ATP2A3: variants seen among roughly 807,000 people sequenced by gnomAD.
The protein encoded by ATP2A3 is sarcoplasmic/endoplasmic reticulum calcium ATPase 3.
Under a neutral mutation model 106.8 loss-of-function variants are expected in ATP2A3, and 61 were observed. The ratio of observed to expected loss-of-function variants is 0.57; its 90% CI spans 0.46 to 0.71. The LOEUF (loss-of-function observed/expected upper bound fraction) is 0.71. ATP2A3 is among the 30% of genes least tolerant of loss of function. ATP2A3 has a pLI of 0.00. For synonymous variants in ATP2A3, 611 were observed against 609.3 expected, an observed-to-expected ratio of 1.00 and a Z score of -0.04; for missense variants, 1,201 against 1,423.5, an observed-to-expected ratio of 0.84 and a Z score of 2.52.
rs541910734 is a variant in ATP2A3 at position 3,933,533 on chromosome 17, C to T, written c.2610+1659G>A. ...CGGGCGGATCATGAGGTCAGGAGATCGAGACCATCCTGGCCAACATGGTGA... is the reference window on the plus strand; with the variant it reads ...CGGGCGGATCATGAGGTCAGGAGATTGAGACCATCCTGGCCAACATGGTGA... On this transcript the variant is annotated intron_variant, in intron 17 of 20. Transcript: ENST00000397041. Among the ~76,000 whole-genome samples, 65 of 151,220 alleles carry T rather than the reference C, an allele frequency of 4.3e-4. No homozygotes were observed. In the East Asian group the frequency reaches 0.011, roughly 25 times the overall value.
At position 3,944,932 on chromosome 17, in the gene ATP2A3, G is replaced by T. The variant is rs2054017614; in HGVS notation, c.1185-126C>A. The stretch of plus-strand genomic sequence containing the variant: ...CGCCCCCAGAAGGGCTCCGCCTCCT[G>T]GCCCCGCCCCGGGAGAGGCTCCGCC... On this transcript the variant is annotated intron_variant, in intron 9 of 20. Transcript: ENST00000397041. 4.0e-5 allele frequency: 53 copies of T among 1,326,356 alleles called. No homozygotes were observed. In the South Asian group the frequency reaches 7.5e-4, roughly 19 times the overall value. 82.2% of individuals were successfully genotyped at this position (1,326,356 alleles called of 1,614,324 possible). A position where few individuals can be genotyped will look rare whatever the true frequency, so the allele number is the denominator to read the frequency against.
intron 8 of ATP2A3, among the ~76,000 whole-genome samples, chr17:3,946,054 C>A (rs976453086): frequency 1.3e-5 from 2 of 151,730 alleles, no homozygotes; most frequent in Non-Finnish European, 2.9e-5. Context: ...TTGAGACCAT[C>A]CTGGCTAACA....
Position 3,928,198 on chromosome 17 carries a change from C to G in ATP2A3, c.2980+465G>C, listed in dbSNP as rs73328990. The stretch of plus-strand genomic sequence containing the variant: ...CAGAGCTGTGAGCTCAGAAACAACC[C>G]TCCCCTTGACCCACCCACAAGGTGA... On this transcript the variant is annotated intron_variant, in intron 20 of 20. Coordinates refer to ENST00000397041, the MANE Select transcript of ATP2A3 (RefSeq NM_005173.4). The surrounding 1 kb of genome is among the most constrained non-coding windows in gnomAD (Gnocchi z 6.1). 3 of 1,611,138 alleles carry G rather than the reference C, an allele frequency of 1.9e-6. No individual in the cohort carries two copies.
chr17:3,948,000 A>G lies in ATP2A3; in HGVS notation c.631-145T>C. On this transcript the variant is annotated intron_variant, in intron 7 of 20. Coordinates refer to ENST00000397041, the MANE Select transcript of ATP2A3 (RefSeq NM_005173.4). The surrounding 1 kb of genome is among the most constrained non-coding windows in gnomAD (Gnocchi z 7.7). The stretch of plus-strand genomic sequence containing the variant: ...GTTGCTAGTGCTTCCAGACTCCTGT[A>G]GCTATGTATGCACGGGGTCCCTGCT... 1.3e-6 allele frequency: 1 copy of G among 781,938 alleles called. No individual in the cohort carries two copies. Among genetic ancestry groups the G allele is most frequent in the South Asian group, 1.7e-5 (1 of 59,442 alleles). 48.4% of individuals were successfully genotyped at this position (781,938 alleles called of 1,614,324 possible).
At position 3,947,735 on chromosome 17, in the gene ATP2A3, G is replaced by C; in HGVS notation, c.751C>G (p.Arg251Gly). 6.2e-7 allele frequency: 1 copy of C among 1,608,996 alleles called. No individual in the cohort carries two copies. The highest frequency in any genetic ancestry group is 8.5e-7 in the Non-Finnish European group (1 of 1,179,834). ...TGCCGTCCAAACTCGTCCAGCTTGC[G>C]CTGCAGCGGCGTCCGCTCGGGCTCG... ...AVEPERTPLQRKLDEFGRQLS... is the reference protein window; with the variant it reads ...AVEPERTPLQGKLDEFGRQLS... Residue 251 changes from arginine to glycine, a missense_variant, in exon 8 of 21, where the codon CGC (arginine) becomes GGC (glycine). Coordinates refer to ENST00000397041, the MANE Select transcript of ATP2A3 (RefSeq NM_005173.4). The surrounding 1 kb of genome is among the most constrained non-coding windows in gnomAD (Gnocchi z 7.7).
Position 3,941,026 on chromosome 17 carries a change from G to A in ATP2A3, c.2045C>T (p.Ala682Val), listed in dbSNP as rs753835292. Residue 682 changes from alanine to valine, a missense_variant, in exon 14 of 21, where the codon GCA becomes GTA. Transcript: ENST00000397041. Reference protein sequence around the residue: ...TARCFARVEPAHKSRIVENLQ... With the variant: ...TARCFARVEPVHKSRIVENLQ... The stretch of plus-strand genomic sequence containing the variant: ...GTTCTCCACGATGCGGGACTTGTGT[G>A]CGGGCTCCACGCGGGCGAAGCAGCG... 9.3e-6 allele frequency: 15 copies of A among 1,613,832 alleles called. No individual in the cohort carries two copies. In the African/African-American group the frequency reaches 2.0e-4, roughly 22 times the overall value.
intron 1 of ATP2A3, among the ~76,000 whole-genome samples, chr17:3,958,065 C>CT (rs1440582081): frequency 6.6e-6 from 1 of 152,228 alleles, no homozygotes; most frequent in African/African-American, 2.4e-5. Flanking sequence ...ATCAGAGAAG[C>CT]TTCGTGGCTT....
intron 1 of ATP2A3, among the ~76,000 whole-genome samples, chr17:3,959,045 C>T (rs967635333): frequency 4.6e-5 from 7 of 151,654 alleles, no homozygotes; most frequent in Non-Finnish European, 7.4e-5. Flanking sequence ...GCGCCTGCCA[C>T]CATGCCTGGC....
chr17:3,945,179 C>T lies in ATP2A3; in HGVS notation c.1096-31G>A, dbSNP rs1472841512. On this transcript the variant is annotated intron_variant, in intron 8 of 20. Transcript: ENST00000397041. ...GAGCGCAGGGGCGTGCTTAGGCGGG[C>T]GGGGTCGCCTCCCTCCTCCCCGGGC... 4.6e-6 allele frequency: 7 copies of T among 1,535,978 alleles called. No homozygotes were observed. The Admixed American group carries it at 5.9e-5, about 13-fold the overall frequency.
In ATP2A3 at chr17:3,924,358, G is replaced by C. The variant is rs1454462204; in HGVS notation, c.*1064C>G. 6.0e-6 allele frequency: 1 copy of C among 166,126 alleles called. No homozygotes were observed. The highest frequency in any genetic ancestry group is 1.3e-5 in the Non-Finnish European group (1 of 76,368). 10.3% of individuals were successfully genotyped at this position (166,126 alleles called of 1,614,324 possible). The stretch of plus-strand genomic sequence containing the variant: ...ATATGACGTGTTCCTCCAGCAGGGA[G>C]GGAGGGAGAGCGGGTGCCCTTGGGG... On this transcript the variant is annotated 3_prime_UTR_variant, in exon 21 of 21. Coordinates refer to ENST00000397041, the MANE Select transcript of ATP2A3 (RefSeq NM_005173.4). The surrounding 1 kb of genome is among the most constrained non-coding windows in gnomAD (Gnocchi z 6.4).
chr17:3,930,575 A>T lies in ATP2A3; in HGVS notation c.2611-141T>A. On this transcript the variant is annotated intron_variant, in intron 17 of 20. Transcript: ENST00000397041. The surrounding 1 kb of genome is among the most constrained non-coding windows in gnomAD (Gnocchi z 5.4). The stretch of plus-strand genomic sequence containing the variant: ...AACACTGCCGTGGGGTGGGCTGGGG[A>T]TCCCGGGAGGGGTGCGGGGTCGGGG... The T allele has an allele frequency of 1.7e-6, 2 of 1,144,604 alleles. No homozygotes were observed. The highest frequency in any genetic ancestry group is 2.5e-6 in the Non-Finnish European group (2 of 812,218). The allele number at this position is 1,144,604 out of a possible 1,614,324, so 70.9% of individuals were successfully genotyped here.
At chr17:3,941,984 G>A (rs917055295) in intron 12 of ATP2A3, among the ~76,000 whole-genome samples, 1 of 152,188 alleles carries the variant, frequency 6.6e-6, no homozygotes, top group African/African-American at 2.4e-5. Context: ...TGCAGGCCCT[G>A]CTTCCCTGGT....
chr17:3,964,199 G>A lies in ATP2A3; in HGVS notation c.93C>T (p.Gly31=). The change falls in exon 1 of 21, where the codon GGC becomes GGT. Residue 31 remains glycine (G), a synonymous_variant. Transcript: ENST00000397041. ...EGGLSPAQVT[G]ARERYGPNEL... The stretch of plus-strand genomic sequence containing the variant: ...CGTTGGGGCCGTAGCGCTCCCGCGC[G>A]CCGGTCACCTGCGCCGGGCTCAGGC... 2 of 1,247,056 alleles carry A rather than the reference G, an allele frequency of 1.6e-6. No individual in the cohort carries two copies. Among genetic ancestry groups the A allele is most frequent in the Middle Eastern group, 3.2e-4 (1 of 3,108 alleles). The allele number at this position is 1,247,056 out of a possible 1,614,324, so 77.2% of individuals were successfully genotyped here.
In ATP2A3 at chr17:3,925,112, T is replaced by C. The variant is rs772979011; in HGVS notation, c.*310A>G. 1.8e-6 allele frequency: 1 copy of C among 560,542 alleles called. No individual in the cohort carries two copies. The highest frequency in any genetic ancestry group is 1.9e-5 in the African/African-American group (1 of 53,024). The allele number at this position is 560,542 out of a possible 1,614,324, so 34.7% of individuals were successfully genotyped here. On this transcript the variant is annotated 3_prime_UTR_variant, in exon 21 of 21. Transcript: ENST00000397041. This position sits in a 1 kb window ranked among gnomAD's most constrained non-coding sequence, Gnocchi z 4.2. ...TGGGGGGGCCCCGGATCTCTGGGTA[T>C]GCTGCCAGCTCCGGCTTCTTGGCTG...
chr17:3,935,863 G>A (rs2053414668), intron 16 of ATP2A3, among the ~76,000 whole-genome samples: 1 of 152,128 alleles, frequency 6.6e-6, no homozygotes, highest in South Asian at 2.1e-4. Context: ...GACCTCAAGT[G>A]ATCTGCCCAC....
rs57648128 is a variant in ATP2A3, at chr17:3,936,721, TAC to T, written c.2322-254_2322-253del. On this transcript the variant is annotated intron_variant, in intron 15 of 20. Coordinates refer to ENST00000397041, the MANE Select transcript of ATP2A3 (RefSeq NM_005173.4). The surrounding 1 kb of genome is among the most constrained non-coding windows in gnomAD (Gnocchi z 5.4). ...CTCTTTAGGCCTAGCAGAGGCCAAG[TAC>T]ACACACACACACACACACACACACA... 166,395 of 405,110 alleles carry T rather than the reference TAC, an allele frequency of 0.41. 15,842 individuals carry two copies. Among genetic ancestry groups the T allele is most frequent in the East Asian group, 0.56 (11,431 of 20,312 alleles). 25.1% of individuals were successfully genotyped at this position (405,110 alleles called of 1,614,324 possible).
intron 3 of ATP2A3, 129 bp from the exon 4 acceptor site, chr17:3,951,814 G>T: frequency 1.0e-6 from 1 of 955,546 alleles, no homozygotes; most frequent in Non-Finnish European, 1.6e-6. Flanking sequence ...CTCTTGGCTT[G>T]GAGAGGGCCA....
Position 3,951,564 on chromosome 17 carries a change from C to T in ATP2A3, c.324+17G>A, listed in dbSNP as rs536369821. 7.1e-6 allele frequency: 11 copies of T among 1,548,416 alleles called. No homozygotes were observed. The Admixed American group carries it at 1.5e-4, about 21-fold the overall frequency. Reference sequence around the variant, plus strand: ...GGAGACCGCCCCCCGCCCGGTCCCACCCCCAGTGCCTCCCACCTGCCACAC... The same window carrying T: ...GGAGACCGCCCCCCGCCCGGTCCCATCCCCAGTGCCTCCCACCTGCCACAC... On this transcript the variant is annotated intron_variant, in intron 4 of 20. Coordinates refer to ENST00000397041, the MANE Select transcript of ATP2A3 (RefSeq NM_005173.4).
chr17:3,924,471 C>T lies in ATP2A3; in HGVS notation c.*951G>A. 3.7e-6 allele frequency: 1 copy of T among 269,472 alleles called. No individual in the cohort carries two copies. Among genetic ancestry groups the T allele is most frequent in the Admixed American group, 4.7e-5 (1 of 21,092 alleles). The allele number at this position is 269,472 out of a possible 1,614,324, so 16.7% of individuals were successfully genotyped here. On this transcript the variant is annotated 3_prime_UTR_variant, in exon 21 of 21. Transcript: ENST00000397041. The surrounding 1 kb of genome is among the most constrained non-coding windows in gnomAD (Gnocchi z 6.4). The stretch of plus-strand genomic sequence containing the variant: ...GAGGCCAAGAGTCCAGGAAGCCCAC[C>T]AGGCTCAGAGGCCCCCAGCTGTGCA...
Sources: gnomAD v4.1 joint callset for allele counts (sites outside exome capture counted in the v4.1 genomes callset) on GRCh38, gnomAD v4.1.1 for gene constraint, Gnocchi (gnomAD v3.1) non-coding constraint, MANE v1.5 for transcripts, NCBI Gene and HGNC (gene_info 2026-07-23, HGNC 2026-07-21) for gene names.